Variants in RANBP2 observed in about 807,000 individuals in gnomAD.
RANBP2 encodes the protein E3 SUMO-protein ligase RanBP2.
RANBP2 carries 57 observed loss-of-function variants against 303.6 expected under a neutral mutation model. The observed-to-expected ratio is 0.19, with a 90% CI of 0.15 to 0.23. The LOEUF (loss-of-function observed/expected upper bound fraction) is 0.23, where lower values mean the gene tolerates loss of function less well. RANBP2 is among the 10% of genes least tolerant of loss of function. The pLI, the probability that RANBP2 is intolerant of heterozygous loss-of-function variation, is 1.00. For synonymous variants in RANBP2, 1,167 were observed against 1,301.5 expected (o/e 0.90, Z 2.23); for missense variants, 3,138 against 3,780.8 (o/e 0.83, Z 4.46).
intron 25 of RANBP2, among the ~76,000 whole-genome samples, chr2:108,778,914 A>G (rs1219713014): frequency 3.3e-5 from 5 of 152,074 alleles, no homozygotes; most frequent in African/African-American, 9.7e-5. Flanking sequence ...TTTTTTGTAG[A>G]GACAGGGGTC....
In RANBP2 at chr2:108,765,046, C is replaced by G; in HGVS notation, c.4507C>G (p.Gln1503Glu). Residue 1503 changes from glutamine to glutamate, a missense_variant, in exon 20 of 29, where the codon CAG becomes GAG. Gln to Glu is a conservative substitution (Grantham distance 29). Coordinates refer to ENST00000283195, the MANE Select transcript of RANBP2 (RefSeq NM_006267.5). ...GAGCTCTACAAAATGTGCTGCTTGT[C>G]AGAATCCGAGAAAACAGAGTCTACC... ...EGSSTKCAAC[Q>E]NPRKQSLPAT... is the part of the protein sequence containing the mutation. 6.2e-7 allele frequency: 1 copy of G among 1,613,850 alleles called. No individual in the cohort carries two copies. The highest frequency in any genetic ancestry group is 8.5e-7 in the Non-Finnish European group (1 of 1,179,924).
the RANBP2 span, among the ~76,000 whole-genome samples, chr2:109,140,862 G>A: frequency 5.3e-5 from 8 of 152,144 alleles, no homozygotes; most frequent in Admixed American, 3.9e-4. Flanking sequence ...ACACAGTCTG[G>A]CCCCAGGGGT....
chr2:109,162,927 C>CTGA, the RANBP2 span, among the ~76,000 whole-genome samples: 4 of 152,172 alleles, frequency 2.6e-5, no homozygotes, highest in Admixed American at 6.5e-5. Context: ...AGCCTCTTGG[C>CTGA]TGATGCCTTT....
At chr2:109,698,411 A>T in the RANBP2 span, among the ~76,000 whole-genome samples, 2 of 151,408 alleles carry the variant, frequency 1.3e-5, no homozygotes, top group East Asian at 3.9e-4. Context: ...GGTTGCAGTG[A>T]GCTGAGATCG....
the RANBP2 span, among the ~76,000 whole-genome samples, chr2:108,865,594 CT>C: frequency 6.6e-6 from 1 of 152,190 alleles, no homozygotes; most frequent in Non-Finnish European, 1.5e-5. Context: ...TCTTTCAAAC[CT>C]TCATGCCAGT....
At chr2:109,490,105 T>C in the RANBP2 span, among the ~76,000 whole-genome samples, 3 of 152,226 alleles carry the variant, frequency 2.0e-5, no homozygotes, top group East Asian at 1.9e-4. Context: ...TCTTTAAAGT[T>C]TCCTGATGGA....
the RANBP2 span, among the ~76,000 whole-genome samples, chr2:109,652,254 G>T: frequency 6.7e-6 from 1 of 148,982 alleles, no homozygotes; most frequent in Non-Finnish European, 1.5e-5. Context: ...ACGGAGTCTC[G>T]CTCTGTCACT....
chr2:108,786,977 G>A (rs373906763), downstream of RANBP2: 1 of 1,163,802 alleles, frequency 8.6e-7, no homozygotes, highest in South Asian at 2.0e-5. Flanking sequence ...CCCGCTCCGT[G>A]CCCCGCGCAG....
the RANBP2 span, among the ~76,000 whole-genome samples, chr2:109,697,711 C>A: frequency 6.6e-6 from 1 of 151,962 alleles, no homozygotes; most frequent in Non-Finnish European, 1.5e-5. Flanking sequence ...GATCTGTTTA[C>A]CTTTTGTTTC....
At chr2:109,706,202 T>C in the RANBP2 span, among the ~76,000 whole-genome samples, 1 of 152,194 alleles carries the variant, frequency 6.6e-6, no homozygotes, top group Non-Finnish European at 1.5e-5. Context: ...GACCAGGAGC[T>C]CCTTGTGTGA....
At chr2:108,768,535 T>A in intron 20 of RANBP2, 147 bp downstream of exon 20, 1 of 1,454,424 alleles carries the variant, frequency 6.9e-7, no homozygotes, top group African/African-American at 1.4e-5. Flanking sequence ...TTTTTCTCCC[T>A]TAATAAGTTC....
At chr2:108,734,231 A>G (rs1489764961) in intron 4 of RANBP2, among the ~76,000 whole-genome samples, 7 of 151,610 alleles carry the variant, frequency 4.6e-5, no homozygotes, top group Non-Finnish European at 1.0e-4. Context: ...GTAAAATGGA[A>G]TTTATATGTG....
the RANBP2 span, among the ~76,000 whole-genome samples, chr2:109,708,095 C>T: frequency 6.6e-6 from 1 of 152,248 alleles, no homozygotes; most frequent in Non-Finnish European, 1.5e-5. Context: ...CAGTAGCTCA[C>T]ACCTGTAATC....
the RANBP2 span, among the ~76,000 whole-genome samples, chr2:109,589,154 C>T: frequency 6.6e-6 from 1 of 151,432 alleles, no homozygotes; most frequent in Non-Finnish European, 1.5e-5. Flanking sequence ...TTTTGTTTTT[C>T]TTTTTTGAGA....
At chr2:109,402,667 C>G in the RANBP2 span, among the ~76,000 whole-genome samples, 2 of 152,220 alleles carry the variant, frequency 1.3e-5, no homozygotes, top group African/African-American at 4.8e-5. Context: ...TCTTGACTGA[C>G]AGGATGAATT....
chr2:109,696,925 G>A, the RANBP2 span, among the ~76,000 whole-genome samples: 11,604 of 151,978 alleles, frequency 0.076, 945 homozygotes, highest in African/African-American at 0.21. Context: ...CCACAGGTGC[G>A]CACCACCATG....
chr2:109,220,409 G>C, the RANBP2 span, among the ~76,000 whole-genome samples: 4 of 151,952 alleles, frequency 2.6e-5, no homozygotes, highest in African/African-American at 4.8e-5. Context: ...GGCAATACAA[G>C]AAAAAAATAC....
chr2:109,360,247 T>C, the RANBP2 span, among the ~76,000 whole-genome samples: 3 of 152,218 alleles, frequency 2.0e-5, no homozygotes, highest in Admixed American at 6.5e-5. Context: ...ATTAATAATA[T>C]GTCATATTTT....
the RANBP2 span, among the ~76,000 whole-genome samples, chr2:108,845,216 TA>T: frequency 6.6e-6 from 1 of 152,230 alleles, no homozygotes; most frequent in African/African-American, 2.4e-5. Flanking sequence ...TAAAAACATG[TA>T]TTTTTTTTCT....
Sources: allele counts gnomAD v4.1 joint callset (sites outside exome capture counted in the v4.1 genomes callset), GRCh38; gene constraint gnomAD v4.1.1; transcripts MANE v1.5; gene names NCBI Gene and HGNC (gene_info 2026-07-23, HGNC 2026-07-21).